Variants in EXTL3 observed in about 807,000 individuals in gnomAD.
EXTL3 encodes exostosin like glycosyltransferase 3, also known as exostosin-like 3.
EXTL3 carries 27 observed loss-of-function variants against 69.3 expected under a neutral mutation model. The ratio of observed to expected loss-of-function variants is 0.39; its 90% CI spans 0.29 to 0.54. The LOEUF is 0.54. Ranked by LOEUF, EXTL3 falls within the 20% of genes least tolerant of loss-of-function variation. The probability of loss-of-function intolerance (pLI) is 0.69; values close to 1 mark genes in which losing one functional copy is unlikely to be tolerated. For synonymous variants in EXTL3, 511 were observed against 499.4 expected (o/e 1.02, Z -0.31); for missense variants, 1,003 against 1,231.8 (o/e 0.81, Z 2.78).
chr8:28,624,725 G>A (rs1424060525), intron 1 of EXTL3, among the ~76,000 whole-genome samples: 2 of 152,018 alleles, frequency 1.3e-5, no homozygotes, highest in South Asian at 2.1e-4. Context: ...AATAGTCACC[G>A]ACACCATAAG....
intron 4 of EXTL3, among the ~76,000 whole-genome samples, chr8:28,733,627 C>T (rs1196666627): frequency 1.3e-5 from 2 of 149,322 alleles, no homozygotes; most frequent in Non-Finnish European, 3.0e-5. Flanking sequence ...AAACTCCTGG[C>T]CTCGAGCAAG....
chr8:28,692,761 G>A (rs1248155351), intron 1 of EXTL3, among the ~76,000 whole-genome samples: 1 of 152,162 alleles, frequency 6.6e-6, no homozygotes, highest in Non-Finnish European at 1.5e-5. Context: ...TGAAAGTAGT[G>A]AGCAGTTGAT....
chr8:28,669,654 A>G (rs986804854), intron 1 of EXTL3, among the ~76,000 whole-genome samples: 1 of 152,200 alleles, frequency 6.6e-6, no homozygotes, highest in Non-Finnish European at 1.5e-5. Flanking sequence ...TGTCCCCATA[A>G]TTCACAAATT....
intron 6 of EXTL3, among the ~76,000 whole-genome samples, chr8:28,748,154 C>T (rs904117612): frequency 4.6e-5 from 7 of 152,090 alleles, no homozygotes; most frequent in Non-Finnish European, 8.8e-5. Context: ...GGGCAGATCA[C>T]GAGGTCAGGA....
chr8:28,737,583 C>G lies in EXTL3; in HGVS notation c.2341C>G (p.Pro781Ala). Residue 781 changes from proline (P) to alanine (A), a missense_variant, in exon 5 of 7, where the codon CCC becomes GCC. Transcript: ENST00000220562. ...FPGRYHAWDI[P>A]HQSWLYNSNY... Reference sequence around the variant, plus strand: ...TGGCCGTTACCACGCATGGGACATCCCCCATCAGTCCTGGCTCTACAACTC... The same window carrying G: ...TGGCCGTTACCACGCATGGGACATCGCCCATCAGTCCTGGCTCTACAACTC... The G allele has an allele frequency of 5.0e-6, 8 of 1,614,020 alleles. No individual in the cohort carries two copies. The highest frequency in any genetic ancestry group is 6.8e-6 in the Non-Finnish European group (8 of 1,179,884).
upstream of EXTL3, among the ~76,000 whole-genome samples, chr8:28,618,326 T>C (rs1424565927): frequency 6.6e-6 from 1 of 151,626 alleles, no homozygotes; most frequent in African/African-American, 2.4e-5. Context: ...TATATAATAA[T>C]AATAATAGTA....
intron 5 of EXTL3, chr8:28,740,629 A>G (rs1801755343): frequency 6.6e-6 from 1 of 152,102 alleles, no homozygotes; most frequent in African/African-American, 2.4e-5. Flanking sequence ...TGGTCCACGA[A>G]AGCAGTTAGA....
At chr8:28,668,865 C>CTTTTTTTTTTTT (rs999113088) in intron 1 of EXTL3, among the ~76,000 whole-genome samples, 2,081 of 94,208 alleles carry the variant, frequency 0.022, 94 homozygotes, top group Non-Finnish European at 0.028. Context: ...GATAGAATCT[C>CTTTTTTTTTTTT]TTTTTTTTTT....
intron 3 of EXTL3, among the ~76,000 whole-genome samples, chr8:28,729,277 A>AGT (rs1250604772): frequency 1.5e-5 from 2 of 135,414 alleles, no homozygotes; most frequent in African/African-American, 5.9e-5. Context: ...TCTGGGCCAC[A>AGT]GTGAGACTCT....
chr8:28,647,450 A>T (rs960703731), intron 1 of EXTL3, among the ~76,000 whole-genome samples: 2 of 152,192 alleles, frequency 1.3e-5, no homozygotes, highest in Admixed American at 1.3e-4. Flanking sequence ...TCACTCATAC[A>T]TAATCTCATT....
chr8:28,638,555 C>G (rs1307012184), intron 1 of EXTL3, among the ~76,000 whole-genome samples: 1 of 152,132 alleles, frequency 6.6e-6, no homozygotes, highest in Non-Finnish European at 1.5e-5. Flanking sequence ...GAGACCCAGT[C>G]CTTTTACCCA....
intron 1 of EXTL3, among the ~76,000 whole-genome samples, chr8:28,683,927 C>T (rs921318345): frequency 1.3e-5 from 2 of 152,108 alleles, no homozygotes; most frequent in Non-Finnish European, 2.9e-5. Context: ...TTTCCCCCAC[C>T]GCTGCCCTTT....
At chr8:28,658,527 T>C (rs1025912465) in intron 1 of EXTL3, among the ~76,000 whole-genome samples, 4 of 152,038 alleles carry the variant, frequency 2.6e-5, no homozygotes, top group African/African-American at 9.7e-5. Context: ...ACCTTGCTGT[T>C]CCCCCCCTGC....
At chr8:28,743,063 G>A in intron 5 of EXTL3, 23 bp from the exon 6 acceptor site, 1 of 1,613,852 alleles carries the variant, frequency 6.2e-7, no homozygotes, top group Non-Finnish European at 8.5e-7. Flanking sequence ...CAGAGCATGT[G>A]GTTCTTTTTC....
intron 1 of EXTL3, among the ~76,000 whole-genome samples, chr8:28,703,802 T>C (rs1292424856): frequency 6.6e-6 from 1 of 152,258 alleles, no homozygotes; most frequent in Non-Finnish European, 1.5e-5. Context: ...TCGCTGGTTA[T>C]TAAGTTTAGC....
At chr8:28,739,740 C>T (rs1044247850) in intron 5 of EXTL3, among the ~76,000 whole-genome samples, 1 of 152,192 alleles carries the variant, frequency 6.6e-6, no homozygotes, top group Non-Finnish European at 1.5e-5. Context: ...TTGCACTTCA[C>T]CTCAGGACTT....
In EXTL3 at chr8:28,742,611, G is replaced by A. The variant is rs75818324; in HGVS notation, c.2422-475G>A. On this transcript the variant is annotated intron_variant, in intron 5 of 6. Coordinates refer to ENST00000220562, the MANE Select transcript of EXTL3 (RefSeq NM_001440.4). ...TTGGCAGCAGGGAGTAGCCAGGGCC[G>A]ATGGCGAGTACTGACCAGACTCAAG... 3.4e-4 allele frequency: 70 copies of A among 205,232 alleles called. 2 individuals are homozygous for A. In the East Asian group the frequency reaches 4.4e-3, roughly 13 times the overall value. 12.7% of individuals were successfully genotyped at this position (205,232 alleles called of 1,614,324 possible).
rs34951507 is a variant in EXTL3 at position 28,717,496 on chromosome 8, C to T, written c.1437C>T (p.Asn479=). The change falls in exon 3 of 7, where the codon AAC becomes AAT. Residue 479 remains asparagine (N), a synonymous_variant. Coordinates refer to ENST00000220562, the MANE Select transcript of EXTL3 (RefSeq NM_001440.4). The surrounding 1 kb of genome is among the most constrained non-coding windows in gnomAD (Gnocchi z 8.3). ...QLPYQDMLQW[N]EAALVVPKPR... is the part of the protein sequence containing the mutation. ...CCTACCAGGACATGCTGCAGTGGAA[C>T]GAGGCGGCCCTGGTGGTGCCAAAGC... 1,808 of 1,614,232 alleles carry T rather than the reference C, an allele frequency of 1.1e-3. 13 individuals are homozygous for T. The African/African-American group carries it at 0.02, about 18-fold the overall frequency.
chr8:28,737,809 CAA>C, intron 5 of EXTL3, 146 bp downstream of exon 5: 2 of 959,470 alleles, frequency 2.1e-6, no homozygotes, highest in South Asian at 1.3e-5. Flanking sequence ...TTTTTACAGA[CAA>C]TGATCAAGAT....
Sources: allele counts gnomAD v4.1 joint callset (sites outside exome capture counted in the v4.1 genomes callset), GRCh38; gene constraint gnomAD v4.1.1; non-coding constraint Gnocchi (gnomAD v3.1); transcripts MANE v1.5; gene names NCBI Gene and HGNC (gene_info 2026-07-23, HGNC 2026-07-21).